Variants in HLA-DPA1 observed in about 807,000 individuals in gnomAD.
HLA-DPA1 encodes HLA class II histocompatibility antigen, DP alpha 1 chain.
A neutral mutation model predicts 21.5 loss-of-function variants in HLA-DPA1; 20 were observed. The observed-to-expected ratio is 0.93, with a 90% confidence interval of 0.66 to 1.35. The LOEUF (loss-of-function observed/expected upper bound fraction) is 1.35, where lower values mean the gene tolerates loss of function less well. Ranked by LOEUF, HLA-DPA1 falls within the 40% of genes most tolerant of loss-of-function variation. The pLI, the probability that HLA-DPA1 is intolerant of heterozygous loss-of-function variation, is 0.00. For synonymous variants in HLA-DPA1, 123 were observed against 129.6 expected (o/e 0.95, Z 0.35); for missense variants, 279 against 323.0 (o/e 0.86, Z 1.05).
At chr6:33,069,088 A>G (rs900678785) in exon 4 of HLA-DPA1, 2 of 1,613,034 alleles carry the variant, frequency 1.2e-6, no homozygotes. Flanking sequence ...TCCTCTGCTG[A>G]GGGCACAAAG....
chr6:33,069,771 G>A (rs778261553), exon 3 of HLA-DPA1: 16 of 1,612,418 alleles, frequency 9.9e-6, no homozygotes, highest in Admixed American at 1.7e-5. Flanking sequence ...GATGCCAGAC[G>A]GTCTCCTTCT....
At chr6:33,070,147 G>A (rs141330888) in intron 2 of HLA-DPA1, among the ~76,000 whole-genome samples, 129 of 152,332 alleles carry the variant, frequency 8.5e-4, no homozygotes, top group African/African-American at 2.5e-3. Flanking sequence ...GTCTTTGAAA[G>A]TCTGGGCATC....
chr6:33,069,288 A>G (rs749909092), exon 4 of HLA-DPA1: 1 of 1,612,352 alleles, frequency 6.2e-7, no homozygotes, highest in Non-Finnish European at 8.5e-7. Context: ...AAACACGGTC[A>G]CCTCAGGGGG....
chr6:33,067,645 G>T (rs966464711), intron 5 of HLA-DPA1: 1 of 152,188 alleles, frequency 6.6e-6, no homozygotes, highest in Non-Finnish European at 1.5e-5. Flanking sequence ...AGATTTGGAA[G>T]AAACAAACTG....
chr6:33,067,147 A>G (rs1761997452), intron 5 of HLA-DPA1: 6 of 152,170 alleles, frequency 3.9e-5, no homozygotes, highest in Admixed American at 3.9e-4. Flanking sequence ...ATAGTAGAGA[A>G]CCAGGAATGA....
chr6:33,077,083 C>A (rs1562140824), intron 1 of HLA-DPA1, among the ~76,000 whole-genome samples: 1 of 121,394 alleles, frequency 8.2e-6, no homozygotes, highest in Non-Finnish European at 1.6e-5. Flanking sequence ...CCCCACCCCA[C>A]AACAGGCCCC....
At chr6:33,073,890 G>C (rs1331161844) in intron 1 of HLA-DPA1, 1 of 275,830 alleles carries the variant, frequency 3.6e-6, no homozygotes, top group Admixed American at 4.9e-5. Flanking sequence ...TTCTTCTGAC[G>C]GCAAATGTTT....
At chr6:33,071,013 G>A (rs1426862202) in intron 2 of HLA-DPA1, among the ~76,000 whole-genome samples, 1 of 152,174 alleles carries the variant, frequency 6.6e-6, no homozygotes, top group African/African-American at 2.4e-5. Context: ...GTGAAAGTCT[G>A]GGTTTAGAAT....
intron 2 of HLA-DPA1, among the ~76,000 whole-genome samples, chr6:33,072,185 A>T (rs929225249): frequency 3.3e-5 from 5 of 152,234 alleles, no homozygotes; most frequent in African/African-American, 1.2e-4. Context: ...AGTCAGAGGC[A>T]CTGAGAAGAA....
Position 33,080,294 on chromosome 6 carries a change from C to A in HLA-DPA1, c.-100+386G>T. Reference sequence around the variant, plus strand: ...CAGTCAGGGAGTTAAGTAGGGGGAGCAGCTCCGCCCTCCACGTCCCCAGCT... The same window carrying A: ...CAGTCAGGGAGTTAAGTAGGGGGAGAAGCTCCGCCCTCCACGTCCCCAGCT... On this transcript the variant is annotated intron_variant, in intron 1 of 5. Coordinates refer to ENST00000419277, the Ensembl canonical transcript of HLA-DPA1. The surrounding 1 kb of genome is among the most constrained non-coding windows in gnomAD (Gnocchi z 4.3). The A allele has an allele frequency of 2.5e-6, 1 of 400,392 alleles. No individual in the cohort carries two copies. The highest frequency in any genetic ancestry group is 4.9e-6 in the Non-Finnish European group (1 of 204,562). 24.8% of individuals were successfully genotyped at this position (400,392 alleles called of 1,614,324 possible).
At position 33,069,018 on chromosome 6, in the gene HLA-DPA1, C is replaced by G. The variant is rs773120072; in HGVS notation, c.628+1G>C. The G allele has an allele frequency of 6.2e-7, 1 of 1,612,720 alleles. No homozygotes were observed. The highest frequency in any genetic ancestry group is 2.2e-5 in the East Asian group (1 of 44,876). ...TTATGGAGAGAAAAGCAGTTGCATACCCCAGTGCTTGAGGAGCGGCTGGTC... is the reference window on the plus strand; with the variant it reads ...TTATGGAGAGAAAAGCAGTTGCATAGCCCAGTGCTTGAGGAGCGGCTGGTC... On this transcript the variant is annotated splice_donor_variant, in intron 4 of 5. Coordinates refer to ENST00000419277, the Ensembl canonical transcript of HLA-DPA1. LOFTEE classifies it high-confidence loss of function.
chr6:33,077,571 A>T (rs1229847756), intron 1 of HLA-DPA1, among the ~76,000 whole-genome samples: 3 of 152,160 alleles, frequency 2.0e-5, no homozygotes, highest in Non-Finnish European at 4.4e-5. Flanking sequence ...GCTGGAGAGG[A>T]TGTGGAGAAA....
chr6:33,079,806 G>C, intron 1 of HLA-DPA1: 7 of 456,888 alleles, frequency 1.5e-5, no homozygotes, highest in African/African-American at 2.0e-5. Context: ...TCACCCAGCC[G>C]GCCATCAGAG....
intron 5 of HLA-DPA1, chr6:33,067,485 AG>A (rs1170821719): frequency 6.6e-6 from 1 of 152,184 alleles, no homozygotes; most frequent in Admixed American, 6.5e-5. Context: ...CCCCAACAGA[AG>A]CAGATGCTAG....
At chr6:33,067,438 C>T (rs1359456562) in intron 5 of HLA-DPA1, 3 of 152,194 alleles carry the variant, frequency 2.0e-5, no homozygotes, top group Admixed American at 6.5e-5. Context: ...GCACTGGCTC[C>T]ACTTGCCTTC....
chr6:33,064,850 A>G (rs2071366), exon 6 of HLA-DPA1: 47,271 of 151,974 alleles, frequency 0.31, 9,520 homozygotes, highest in East Asian at 0.69. Context: ...AGTTAGGGAA[A>G]AACCCAGGAC....
At chr6:33,066,488 A>C (rs957538398) in intron 5 of HLA-DPA1, 1 of 152,256 alleles carries the variant, frequency 6.6e-6, no homozygotes, top group Non-Finnish European at 1.5e-5. Context: ...ACTGTAGGAG[A>C]TGTTTTAAGA....
At chr6:33,075,867 T>C in intron 1 of HLA-DPA1, 1 of 583,594 alleles carries the variant, frequency 1.7e-6, no homozygotes, top group Non-Finnish European at 3.0e-6. Flanking sequence ...TAGTGAGCAA[T>C]GACTCATACA....
intron 1 of HLA-DPA1, among the ~76,000 whole-genome samples, chr6:33,075,128 TG>T (rs2150365590): frequency 6.6e-6 from 1 of 152,200 alleles, no homozygotes; most frequent in South Asian, 2.1e-4. Context: ...TTGAAGGAGG[TG>T]GGGTCTTTGA....
Sources: allele counts gnomAD v4.1 joint callset (sites outside exome capture counted in the v4.1 genomes callset), GRCh38; gene constraint gnomAD v4.1.1; non-coding constraint Gnocchi (gnomAD v3.1); transcripts MANE v1.5; gene names NCBI Gene and HGNC (gene_info 2026-07-23, HGNC 2026-07-21).